ACOT11: variants seen among roughly 807,000 people sequenced by gnomAD.
ACOT11 encodes the protein acyl-coenzyme A thioesterase 11.
ACOT11 carries 69 observed loss-of-function variants against 77.5 expected under a neutral mutation model. The observed-to-expected ratio is 0.89, with a 90% CI of 0.73 to 1.09. The LOEUF (loss-of-function observed/expected upper bound fraction) is 1.09. ACOT11 is among the 50% of genes least tolerant of loss of function. ACOT11 has a pLI of 0.00. For missense variants in ACOT11, 766 were observed against 813.7 expected (o/e 0.94, Z 0.71); for synonymous variants, 279 against 313.0 (o/e 0.89, Z 1.15).
intron 1 of ACOT11, among the ~76,000 whole-genome samples, chr1:54,550,624 G>A (rs941016274): frequency 2.0e-5 from 3 of 151,840 alleles, no homozygotes; most frequent in African/African-American, 4.8e-5. Flanking sequence ...GACTAGCTAG[G>A]CCAACATGGT....
At chr1:54,619,902 G>A (rs1644212000) in intron 15 of ACOT11, 1 of 1,614,062 alleles carries the variant, frequency 6.2e-7, no homozygotes, top group African/African-American at 1.3e-5. Context: ...GCTGTTGGCT[G>A]CGTGGTACCA....
chr1:54,630,827 G>T (rs759002511), exon 16 of ACOT11: 1 of 769,074 alleles, frequency 1.3e-6, no homozygotes, highest in Non-Finnish European at 2.4e-6. Flanking sequence ...TCGCAGGAGC[G>T]ACGGTTGGAA....
At chr1:54,575,002 AAC>A (rs1654056552) in intron 1 of ACOT11, among the ~76,000 whole-genome samples, 1 of 152,190 alleles carries the variant, frequency 6.6e-6, no homozygotes, top group Non-Finnish European at 1.5e-5. Context: ...CCAAGGAGGA[AAC>A]AGCTTCTCAA....
intron 1 of ACOT11, among the ~76,000 whole-genome samples, chr1:54,571,172 C>G (rs573546643): frequency 6.6e-6 from 1 of 151,364 alleles, no homozygotes; most frequent in East Asian, 1.9e-4. Context: ...TATGGAGGTT[C>G]AGAATGGCTC....
At chr1:54,564,533 A>T (rs1653668933) in intron 1 of ACOT11, among the ~76,000 whole-genome samples, 1 of 152,236 alleles carries the variant, frequency 6.6e-6, no homozygotes, top group African/African-American at 2.4e-5. Context: ...GAGAGGTCGG[A>T]AGGGGAGTGG....
At chr1:54,617,337 C>T (rs1048061458) in intron 15 of ACOT11, among the ~76,000 whole-genome samples, 5 of 152,064 alleles carry the variant, frequency 3.3e-5, no homozygotes, top group Admixed American at 2.6e-4. Flanking sequence ...GGCCTTTTCT[C>T]CTGCTTTCTC....
intron 7 of ACOT11, 168 bp downstream of exon 7, chr1:54,597,583 T>C (rs1037622842): frequency 6.8e-6 from 6 of 877,870 alleles, no homozygotes; most frequent in Non-Finnish European, 8.4e-6. Flanking sequence ...CATTCCTTGT[T>C]CTACTAAAAA....
At chr1:54,599,464 CT>C in intron 8 of ACOT11, 49 bp downstream of exon 8, 1 of 1,498,800 alleles carries the variant, frequency 6.7e-7, no homozygotes, top group Non-Finnish European at 9.0e-7. Context: ...GCTGAGGGCT[CT>C]TCCTGACCCT....
intron 1 of ACOT11, among the ~76,000 whole-genome samples, chr1:54,565,228 A>G (rs1487874676): frequency 6.6e-6 from 1 of 152,144 alleles, no homozygotes; most frequent in East Asian, 1.9e-4. Flanking sequence ...CTGGATGGGG[A>G]GTCGAGGCAG....
chr1:54,562,295 G>C (rs1569653328), intron 1 of ACOT11, among the ~76,000 whole-genome samples: 1 of 115,878 alleles, frequency 8.6e-6, no homozygotes. Flanking sequence ...TCCCGGACGG[G>C]GCGGCTGGCC....
At chr1:54,583,423 C>G (rs953261759) in intron 1 of ACOT11, among the ~76,000 whole-genome samples, 1 of 152,124 alleles carries the variant, frequency 6.6e-6, no homozygotes, top group African/African-American at 2.4e-5. Context: ...GAGTATACAC[C>G]AGGTGCAAGA....
chr1:54,573,531 G>C (rs976943473), intron 1 of ACOT11, among the ~76,000 whole-genome samples: 2 of 152,172 alleles, frequency 1.3e-5, no homozygotes, highest in Non-Finnish European at 2.9e-5. Flanking sequence ...CTAGGAGTTC[G>C]AGATCACCCT....
intron 1 of ACOT11, among the ~76,000 whole-genome samples, chr1:54,551,813 A>C (rs558541391): frequency 7.3e-5 from 11 of 150,832 alleles, no homozygotes; most frequent in Non-Finnish European, 4.4e-5. Flanking sequence ...GCGGTGGTGT[A>C]ATCTTGGCTC....
intron 8 of ACOT11, 125 bp downstream of exon 8, chr1:54,599,540 C>A: frequency 2.8e-6 from 3 of 1,086,416 alleles, no homozygotes; most frequent in Non-Finnish European, 3.6e-6. Flanking sequence ...TAAATCCCTG[C>A]CTGGCTGATG....
In ACOT11 at chr1:54,594,492, A is replaced by G. The variant is rs1343107109; in HGVS notation, c.472-64A>G. 5 of 1,555,528 alleles carry G rather than the reference A, an allele frequency of 3.2e-6. No homozygotes were observed. In the African/African-American group the frequency reaches 6.8e-5, roughly 21 times the overall value. ...TCGGGCATGGCATGGTGCTGGGGAC[A>G]GGCCCTTGTGCTATTTCAGGAGACT... On this transcript the variant is annotated intron_variant, in intron 5 of 15. Transcript: ENST00000343744.
intron 1 of ACOT11, among the ~76,000 whole-genome samples, chr1:54,569,818 T>G (rs1379855961): frequency 6.6e-6 from 1 of 152,220 alleles, no homozygotes; most frequent in East Asian, 1.9e-4. Context: ...AGAATGAGTC[T>G]TTTTCATTTT....
At chr1:54,560,717 T>C (rs1163457120) in intron 1 of ACOT11, among the ~76,000 whole-genome samples, 2 of 145,606 alleles carry the variant, frequency 1.4e-5, no homozygotes, top group Non-Finnish European at 3.0e-5. Context: ...GTGTCAACTA[T>C]GCTTGGCTAT....
intron 1 of ACOT11, among the ~76,000 whole-genome samples, chr1:54,575,493 G>A (rs145059771): frequency 5.3e-5 from 8 of 152,204 alleles, no homozygotes; most frequent in Admixed American, 3.9e-4. Context: ...GGCCTCTAGC[G>A]GAGAACCTTG....
At chr1:54,613,508 A>C (rs2101017295), downstream of ACOT11, among the ~76,000 whole-genome samples, 1 of 151,910 alleles carries the variant, frequency 6.6e-6, no homozygotes, top group South Asian at 2.1e-4. Flanking sequence ...GGCTGGTCTC[A>C]AACTCCTGAG....
Sources: gnomAD v4.1 joint callset for allele counts (sites outside exome capture counted in the v4.1 genomes callset) on GRCh38, gnomAD v4.1.1 for gene constraint, MANE v1.5 for transcripts, NCBI Gene and HGNC (gene_info 2026-07-23, HGNC 2026-07-21) for gene names.